SLC16A7: variants seen among roughly 807,000 people sequenced by gnomAD.
The protein encoded by SLC16A7 is solute carrier family 16 member 7.
SLC16A7 carries 33 observed loss-of-function variants against 34.9 expected under a neutral mutation model. The observed-to-expected ratio is 0.94, with a 90% CI of 0.72 to 1.26. The LOEUF is 1.26. SLC16A7 is among the 50% of genes most tolerant of loss of function. The pLI is 0.00. For missense variants in SLC16A7, 573 were observed against 578.1 expected (o/e 0.99, Z 0.09); for synonymous variants, 201 against 206.6 (o/e 0.97, Z 0.23).
chr12:59,670,781 A>T (rs377510589), intron 2 of SLC16A7, among the ~76,000 whole-genome samples: 3 of 152,184 alleles, frequency 2.0e-5, no homozygotes, highest in Non-Finnish European at 2.9e-5. Context: ...AGGCTTGGCA[A>T]TCATGATCTG....
At chr12:59,603,895 T>TTTAAATTTTGTGA (rs1878809034) in intron 1 of SLC16A7, among the ~76,000 whole-genome samples, 2 of 152,216 alleles carry the variant, frequency 1.3e-5, no homozygotes, top group East Asian at 3.8e-4. Context: ...TAAAGGCAGT[T>TTTAAATTTTGTGA]CTACTTGTGA....
rs1440922735 is a variant in SLC16A7 at position 59,784,463 on chromosome 12, A to G, written c.*4784A>G. 1 of 152,128 alleles carries G rather than the reference A, an allele frequency of 6.6e-6. No individual in the cohort carries two copies. Among genetic ancestry groups the G allele is most frequent in the Non-Finnish European group, 1.5e-5 (1 of 68,022 alleles). The allele number at this position is 152,128 out of a possible 1,614,324, so 9.4% of individuals were successfully genotyped here. A position where few individuals can be genotyped will look rare whatever the true frequency, so the allele number is the denominator to read the frequency against. On this transcript the variant is annotated 3_prime_UTR_variant, in exon 6 of 6. Coordinates refer to ENST00000547379, the MANE Select transcript of SLC16A7 (RefSeq NM_001270623.2). ...TTTATAATATTATCCGTAGCTACCA[A>G]AAAAAAGATTATAAGATACAAATGA...
chr12:59,619,110 C>T (rs1048089005), intron 1 of SLC16A7, among the ~76,000 whole-genome samples: 1 of 151,978 alleles, frequency 6.6e-6, no homozygotes, highest in African/African-American at 2.4e-5. Context: ...GAACATTTTA[C>T]CAAATAGTTT....
chr12:59,631,196 T>C (rs1004079093), intron 1 of SLC16A7, among the ~76,000 whole-genome samples: 1 of 151,974 alleles, frequency 6.6e-6, no homozygotes, highest in African/African-American at 2.4e-5. Context: ...TCTTTCTGAA[T>C]TGGAGCTCAT....
chr12:59,678,890 T>C (rs1323158034), intron 2 of SLC16A7, among the ~76,000 whole-genome samples: 1 of 152,194 alleles, frequency 6.6e-6, no homozygotes, highest in African/African-American at 2.4e-5. Flanking sequence ...CTCCTGTGCT[T>C]GTTGATGCCC....
chr12:59,644,377 G>A (rs1230610243), intron 1 of SLC16A7, among the ~76,000 whole-genome samples: 1 of 151,970 alleles, frequency 6.6e-6, no homozygotes, highest in Non-Finnish European at 1.5e-5. Context: ...GACCAGCCTT[G>A]TCAACATGAT....
intron 1 of SLC16A7, among the ~76,000 whole-genome samples, chr12:59,639,476 C>T (rs1403990488): frequency 1.3e-5 from 2 of 152,108 alleles, no homozygotes; most frequent in African/African-American, 2.4e-5. Flanking sequence ...CCCCTGACTC[C>T]GGGCTCAAGC....
At chr12:59,602,585 G>A (rs1565613865) in intron 1 of SLC16A7, among the ~76,000 whole-genome samples, 1 of 145,164 alleles carries the variant, frequency 6.9e-6, no homozygotes, top group Non-Finnish European at 1.5e-5. Context: ...CTGAGTTCAA[G>A]TGATTCTCCT....
At chr12:59,740,402 A>C (rs1878167357) in intron 3 of SLC16A7, among the ~76,000 whole-genome samples, 1 of 152,104 alleles carries the variant, frequency 6.6e-6, no homozygotes, top group African/African-American at 2.4e-5. Context: ...CCATTGATCT[A>C]TATCTCTGTT....
intron 1 of SLC16A7, among the ~76,000 whole-genome samples, chr12:59,611,432 G>A (rs1242780810): frequency 1.3e-5 from 2 of 152,162 alleles, no homozygotes; most frequent in African/African-American, 2.4e-5. Context: ...TTTATCACTA[G>A]GTCCCTAACA....
intron 1 of SLC16A7, among the ~76,000 whole-genome samples, chr12:59,646,993 A>G (rs1008150886): frequency 1.3e-5 from 2 of 152,134 alleles, no homozygotes; most frequent in African/African-American, 4.8e-5. Flanking sequence ...CCCCCATTGT[A>G]TCTAGGAAGT....
rs1883449535 is a variant in SLC16A7, at chr12:59,784,120, T to C, written c.*4441T>C. On this transcript the variant is annotated 3_prime_UTR_variant, in exon 6 of 6. Transcript: ENST00000547379. ...AATGACATATTTGAGTCAGGCATAA[T>C]ACATTTTTTCTGAGGTTGGAGTTAG... 6.6e-6 allele frequency: 1 copy of C among 152,230 alleles called. No homozygotes were observed. Among genetic ancestry groups the C allele is most frequent in the Non-Finnish European group, 1.5e-5 (1 of 68,038 alleles). The allele number at this position is 152,230 out of a possible 1,614,324, so 9.4% of individuals were successfully genotyped here. A position where few individuals can be genotyped will look rare whatever the true frequency, so the allele number is the denominator to read the frequency against.
chr12:59,616,976 G>A (rs2136975629), intron 1 of SLC16A7, among the ~76,000 whole-genome samples: 1 of 152,076 alleles, frequency 6.6e-6, no homozygotes, highest in African/African-American at 2.4e-5. Context: ...TAGCGTAAAT[G>A]CATTATTTGG....
In SLC16A7 at chr12:59,751,296, C is replaced by T. The variant is rs376869778; in HGVS notation, c.218-19923C>T. 1.5e-3 allele frequency among the ~76,000 whole-genome samples: 229 copies of T among 152,336 alleles called. 3 individuals carry two copies. In the South Asian group the frequency reaches 0.02, roughly 13 times the overall value. On this transcript the variant is annotated intron_variant, in intron 3 of 5. Coordinates refer to ENST00000547379, the MANE Select transcript of SLC16A7 (RefSeq NM_001270623.2). ...GCACCGTGTGCGAGCCGAAGCAGGG[C>T]GAGGCATTGCCTCACTCGGGAAGCG...
At chr12:59,758,273 A>G (rs1482360189) in intron 3 of SLC16A7, among the ~76,000 whole-genome samples, 4 of 152,174 alleles carry the variant, frequency 2.6e-5, no homozygotes, top group Non-Finnish European at 4.4e-5. Context: ...TAAATTTTTC[A>G]GAAAGATTTT....
chr12:59,677,961 T>C (rs1246873516), intron 2 of SLC16A7, among the ~76,000 whole-genome samples: 1 of 152,186 alleles, frequency 6.6e-6, no homozygotes, highest in African/African-American at 2.4e-5. Context: ...GTGGACTCGT[T>C]CCACCCGCTT....
At chr12:59,627,270 T>TA (rs1439209477) in intron 1 of SLC16A7, among the ~76,000 whole-genome samples, 1 of 151,874 alleles carries the variant, frequency 6.6e-6, no homozygotes, top group African/African-American at 2.4e-5. Context: ...AAAAATCCAT[T>TA]AATTTTTTTG....
At chr12:59,770,922 T>A (rs1273278670) in intron 3 of SLC16A7, among the ~76,000 whole-genome samples, 1 of 152,184 alleles carries the variant, frequency 6.6e-6, no homozygotes, top group Non-Finnish European at 1.5e-5. Context: ...ATATTTTAGG[T>A]ATGTTCTATT....
intron 3 of SLC16A7, among the ~76,000 whole-genome samples, chr12:59,758,019 CAAAT>C (rs373691761): frequency 6.6e-6 from 1 of 152,056 alleles, no homozygotes; most frequent in East Asian, 1.9e-4. Context: ...TGTTAATTGA[CAAAT>C]AAGTATTACA....
Sources: allele counts gnomAD v4.1 joint callset (sites outside exome capture counted in the v4.1 genomes callset), GRCh38; gene constraint gnomAD v4.1.1; transcripts MANE v1.5; gene names NCBI Gene and HGNC (gene_info 2026-07-23, HGNC 2026-07-21).